The following NFIB variants were observed in gnomAD, a reference collection of about 807,000 sequenced individuals.
NFIB encodes the protein nuclear factor 1 B-type.
Under a neutral mutation model 61.5 loss-of-function variants are expected in NFIB, and 11 were observed. That is an observed-to-expected ratio of 0.18 (90% CI 0.11 to 0.30). The LOEUF (loss-of-function observed/expected upper bound fraction) is 0.30. Ranked by LOEUF, NFIB falls within the 10% of genes least tolerant of loss-of-function variation. The pLI, the probability that NFIB is intolerant of heterozygous loss-of-function variation, is 1.00. For synonymous variants in NFIB, 260 were observed against 216.5 expected (o/e 1.20, Z -1.76); for missense variants, 471 against 608.9 (o/e 0.77, Z 2.38).
chr9:14,335,217 T>G (rs1238193008), intron 1 of NFIB, among the ~76,000 whole-genome samples: 1 of 152,224 alleles, frequency 6.6e-6, no homozygotes, highest in African/African-American at 2.4e-5. Flanking sequence ...TCTGGGCATA[T>G]GGCAGATATG....
At chr9:14,170,581 C>A (rs1052009265) in intron 3 of NFIB, among the ~76,000 whole-genome samples, 1 of 152,028 alleles carries the variant, frequency 6.6e-6, no homozygotes, top group Non-Finnish European at 1.5e-5. Context: ...AGGCAGGCTG[C>A]AGTGAGCCAT....
chr9:14,470,528 C>T, the NFIB span, among the ~76,000 whole-genome samples: 2 of 152,136 alleles, frequency 1.3e-5, no homozygotes, highest in Admixed American at 1.3e-4. Context: ...GCCAGATGGT[C>T]ATCTCTGGAC....
At chr9:14,179,575 A>C in intron 3 of NFIB, 152 bp downstream of exon 3, 1 of 604,098 alleles carries the variant, frequency 1.7e-6, no homozygotes. Flanking sequence ...TTGCCACTGC[A>C]AAGGGCCTAA....
At chr9:14,137,901 C>T (rs150112596) in intron 6 of NFIB, among the ~76,000 whole-genome samples, 166 of 152,068 alleles carry the variant, frequency 1.1e-3, no homozygotes, top group African/African-American at 3.5e-3. Flanking sequence ...AAGGAGTCTA[C>T]GAACCCCTGT....
the NFIB span, among the ~76,000 whole-genome samples, chr9:14,449,529 A>T: frequency 6.6e-6 from 1 of 152,252 alleles, no homozygotes; most frequent in African/African-American, 2.4e-5. Context: ...AGAATGCATG[A>T]GTTGAAAGTG....
In NFIB at chr9:14,175,167, C is replaced by CTTTTTTTTT. The variant is rs55765054; in HGVS notation, c.616+4551_616+4559dup. On this transcript the variant is annotated intron_variant, in intron 3 of 10. Coordinates refer to ENST00000380953, the MANE Select transcript of NFIB (RefSeq NM_001190737.2). The stretch of plus-strand genomic sequence containing the variant: ...AAAATTTTTATGACTTAAAGAATTT[C>CTTTTTTTTT]TTTTTTTTTTTTTTTTTTTTGAGAT... 1.2e-3 allele frequency among the ~76,000 whole-genome samples: 151 copies of CTTTTTTTTT among 126,016 alleles called. 6 individuals are homozygous for CTTTTTTTTT. Among genetic ancestry groups the CTTTTTTTTT allele is most frequent in the African/African-American group, 4.5e-3 (137 of 30,518 alleles). 82.7% of individuals were successfully genotyped at this position (126,016 alleles called of 152,430 possible). A position where few individuals can be genotyped will look rare whatever the true frequency, so the allele number is the denominator to read the frequency against.
At chr9:14,099,526 T>G (rs1224278598) in intron 10 of NFIB, among the ~76,000 whole-genome samples, 1 of 152,236 alleles carries the variant, frequency 6.6e-6, no homozygotes, top group Non-Finnish European at 1.5e-5. Context: ...CAAGGGCTAT[T>G]TGTATTATCA....
At chr9:14,431,943 A>G in the NFIB span, among the ~76,000 whole-genome samples, 1 of 152,186 alleles carries the variant, frequency 6.6e-6, no homozygotes, top group Non-Finnish European at 1.5e-5. Context: ...AACTGAACTC[A>G]TGGGTTGGTG....
chr9:14,421,098 AT>A, the NFIB span, among the ~76,000 whole-genome samples: 1 of 151,244 alleles, frequency 6.6e-6, no homozygotes, highest in Non-Finnish European at 1.5e-5. Flanking sequence ...AAAAAAAAAA[AT>A]AAGGCATGTA....
At chr9:14,246,076 G>C (rs1439969088) in intron 2 of NFIB, among the ~76,000 whole-genome samples, 4 of 151,272 alleles carry the variant, frequency 2.6e-5, no homozygotes, top group Non-Finnish European at 4.4e-5. Context: ...TCTAATTCCT[G>C]AGAATTAGAG....
At chr9:14,309,486 C>A (rs1401765540) in intron 1 of NFIB, among the ~76,000 whole-genome samples, 2 of 152,130 alleles carry the variant, frequency 1.3e-5, no homozygotes, top group African/African-American at 4.8e-5. Flanking sequence ...TACCCAAATG[C>A]CATAGAGGAA....
intron 2 of NFIB, among the ~76,000 whole-genome samples, chr9:14,238,449 C>T (rs142294977): frequency 1.5e-3 from 225 of 152,272 alleles, no homozygotes; most frequent in African/African-American, 5.3e-3. Context: ...GATGCTTTCC[C>T]TACCATCACA....
At chr9:14,521,842 T>C in the NFIB span, among the ~76,000 whole-genome samples, 1 of 152,216 alleles carries the variant, frequency 6.6e-6, no homozygotes, top group African/African-American at 2.4e-5. Flanking sequence ...CCAAAAGGCT[T>C]TGAATGCTCA....
chr9:14,428,409 G>A, the NFIB span, among the ~76,000 whole-genome samples: 7 of 152,116 alleles, frequency 4.6e-5, no homozygotes, highest in African/African-American at 1.2e-4. Context: ...GGCTCAGGTC[G>A]GAGCCTGAAG....
At chr9:14,425,564 T>C in the NFIB span, among the ~76,000 whole-genome samples, 1 of 151,828 alleles carries the variant, frequency 6.6e-6, no homozygotes, top group South Asian at 2.1e-4. Context: ...TTTCTCTGCA[T>C]GTATGAATTT....
intron 2 of NFIB, chr9:14,204,814 G>A (rs571486336): frequency 2.1e-6 from 1 of 486,826 alleles, no homozygotes; most frequent in Admixed American, 2.8e-5. Flanking sequence ...AGACAAGACT[G>A]GGACATCTAA....
intron 2 of NFIB, among the ~76,000 whole-genome samples, chr9:14,242,065 C>A (rs888028766): frequency 1.5e-4 from 23 of 152,080 alleles, no homozygotes; most frequent in Admixed American, 3.9e-4. Context: ...GCAAACCAGC[C>A]AGCAAAAGGC....
intron 2 of NFIB, among the ~76,000 whole-genome samples, chr9:14,222,451 G>A (rs937109063): frequency 1.3e-4 from 20 of 152,146 alleles, no homozygotes; most frequent in Non-Finnish European, 2.8e-4. Context: ...GGTAATCTGA[G>A]CCTTTGCCCA....
chr9:14,485,904 AC>A, the NFIB span, among the ~76,000 whole-genome samples: 3 of 149,028 alleles, frequency 2.0e-5, no homozygotes, highest in Admixed American at 6.7e-5. Context: ...ACAAAAAACA[AC>A]CCCCCCCACA....
Sources: gnomAD v4.1 joint callset for allele counts (sites outside exome capture counted in the v4.1 genomes callset) on GRCh38, gnomAD v4.1.1 for gene constraint, MANE v1.5 for transcripts, NCBI Gene and HGNC (gene_info 2026-07-23, HGNC 2026-07-21) for gene names.